SEC31A: variants seen among roughly 807,000 people sequenced by gnomAD.
SEC31A encodes the protein protein transport protein Sec31A.
In SEC31A, 70 loss-of-function variants were observed where a neutral mutation model predicts 151.0. The ratio of observed to expected loss-of-function variants is 0.46; its 90% CI spans 0.38 to 0.57. The LOEUF is 0.57. SEC31A is among the 20% of genes least tolerant of loss of function. The pLI is 0.00. For missense variants in SEC31A, 1,330 were observed against 1,471.2 expected (o/e 0.90, Z 1.57); for synonymous variants, 475 against 505.9 (o/e 0.94, Z 0.82).
chr4:82,893,908 T>G (rs984514375), upstream of SEC31A: 1 of 152,142 alleles, frequency 6.6e-6, no homozygotes, highest in Non-Finnish European at 1.5e-5. Flanking sequence ...TTGAGAAAAA[T>G]GTACTGCCCT....
At chr4:82,886,619 C>T (rs1211862279) in intron 1 of SEC31A, among the ~76,000 whole-genome samples, 3 of 152,174 alleles carry the variant, frequency 2.0e-5, no homozygotes, top group African/African-American at 7.2e-5. Context: ...TGAATCTCCT[C>T]TTCTTCCTCT....
intron 14 of SEC31A, 76 bp downstream of exon 14, chr4:82,861,555 A>G: frequency 1.1e-6 from 1 of 941,084 alleles, no homozygotes; most frequent in Non-Finnish European, 1.6e-6. Context: ...GTAGTCAAGA[A>G]AATTTTCCTT....
intron 14 of SEC31A, among the ~76,000 whole-genome samples, chr4:82,860,267 G>A (rs1348818897): frequency 6.6e-6 from 1 of 152,070 alleles, no homozygotes; most frequent in South Asian, 2.1e-4. Context: ...CAAAGGGGAA[G>A]ATTTTACCTC....
In SEC31A at chr4:82,867,298, T is replaced by C; in HGVS notation, c.901A>G (p.Thr301Ala). ...ATATCGAAGCACCACTGTGTGTTGG[T>C]GGGAAGTTCATATAACACCTAGGCC... Reference protein sequence around the residue: ...NTGEVLYELPTNTQWCFDIQW... With the variant: ...NTGEVLYELPANTQWCFDIQW... Residue 301 changes from threonine (T) to alanine (A), a missense_variant, in exon 9 of 27, where the codon ACC (threonine) becomes GCC (alanine). Coordinates refer to ENST00000395310, the MANE Select transcript of SEC31A (RefSeq NM_001077207.4). 5 of 1,614,098 alleles carry C rather than the reference T, an allele frequency of 3.1e-6. No individual in the cohort carries two copies. In the South Asian group the frequency reaches 4.4e-5, roughly 14 times the overall value.
At chr4:82,899,403 T>G (rs1046674842) in intron 3 of SEC31A, 5 of 152,254 alleles carry the variant, frequency 3.3e-5, no homozygotes, top group Non-Finnish European at 7.3e-5. Flanking sequence ...ACTAATTTTT[T>G]CCTTAAAGAT....
chr4:82,824,711 C>T, intron 24 of SEC31A, 37 bp from the exon 25 acceptor site: 1 of 1,603,490 alleles, frequency 6.2e-7, no homozygotes, highest in Non-Finnish European at 8.5e-7. Context: ...CAGAAATGAC[C>T]AGAAGCTACC....
rs543639686 is a variant in SEC31A at position 82,848,924 on chromosome 4, T to C, written c.2382A>G (p.Val794=). The C allele has an allele frequency of 2.5e-6, 4 of 1,614,208 alleles. No individual in the cohort carries two copies. The East Asian group carries it at 8.9e-5, about 36-fold the overall frequency. ...DRLCRAQGEP[V]AGHESPKIPY... ...GAATTTTAGGTGATTCATGTCCTGC[T>C]ACAGGCTCTCCTTGTGCTCTACAAA... The change falls in exon 20 of 27, where the codon GTA becomes GTG. Residue 794 remains valine (V), a synonymous_variant. Transcript: ENST00000395310.
chr4:82,824,916 GTTGA>G (rs1261279146), intron 24 of SEC31A, among the ~76,000 whole-genome samples: 4 of 152,210 alleles, frequency 2.6e-5, no homozygotes, highest in African/African-American at 9.6e-5. Context: ...ATACAAAGTA[GTTGA>G]TTAATTTAGG....
chr4:82,887,689 T>C (rs771019064), intron 1 of SEC31A, among the ~76,000 whole-genome samples: 41 of 152,248 alleles, frequency 2.7e-4, no homozygotes, highest in Non-Finnish European at 4.6e-4. Context: ...GCCTGGCATA[T>C]ATAAACAAAT....
intron 14 of SEC31A, among the ~76,000 whole-genome samples, chr4:82,858,685 A>ATTAT (rs577988238): frequency 1.1e-4 from 17 of 149,678 alleles, no homozygotes; most frequent in East Asian, 5.9e-4. Flanking sequence ...TGGAAAATAT[A>ATTAT]TTATTTATTT....
chr4:82,856,842 C>T, intron 16 of SEC31A, 110 bp downstream of exon 16: 1 of 902,462 alleles, frequency 1.1e-6, no homozygotes, highest in Non-Finnish European at 1.6e-6. Context: ...TATGAATGAG[C>T]TTTTAAAATT....
chr4:82,877,483 A>G (rs1738247651), intron 4 of SEC31A: 1 of 151,774 alleles, frequency 6.6e-6, no homozygotes, highest in Non-Finnish European at 1.5e-5. Context: ...GGCTAAAGCC[A>G]TCAACCTACC....
chr4:82,826,235 T>A (rs940949937), intron 24 of SEC31A, among the ~76,000 whole-genome samples: 4 of 152,174 alleles, frequency 2.6e-5, no homozygotes, highest in African/African-American at 4.8e-5. Flanking sequence ...TATTTTTTTT[T>A]AAATACAACT....
chr4:82,838,197 A>T (rs980811403), intron 22 of SEC31A, among the ~76,000 whole-genome samples: 5 of 152,178 alleles, frequency 3.3e-5, no homozygotes, highest in African/African-American at 4.8e-5. Context: ...GTTCATGAAA[A>T]TTTTTTTAAA....
At chr4:82,850,844 A>G (rs1731303286) in intron 19 of SEC31A, among the ~76,000 whole-genome samples, 1 of 152,178 alleles carries the variant, frequency 6.6e-6, no homozygotes, top group African/African-American at 2.4e-5. Context: ...AATCTTATTC[A>G]CCATTCTATA....
intron 22 of SEC31A, among the ~76,000 whole-genome samples, chr4:82,839,078 G>A (rs1728129028): frequency 6.6e-6 from 1 of 152,116 alleles, no homozygotes; most frequent in Non-Finnish European, 1.5e-5. Context: ...CGGAGTTCAA[G>A]CGATTCTCCT....
intron 7 of SEC31A, chr4:82,871,469 C>A: frequency 7.9e-7 from 1 of 1,261,366 alleles, no homozygotes; most frequent in Non-Finnish European, 1.1e-6. Flanking sequence ...TTACCATAGA[C>A]TAACTGATAA....
chr4:82,871,311 T>A lies in SEC31A; in HGVS notation c.782+633A>T. The A allele has an allele frequency of 6.0e-6, 8 of 1,323,806 alleles. No individual in the cohort carries two copies. In the South Asian group the frequency reaches 1.1e-4, roughly 17 times the overall value. 82.0% of individuals were successfully genotyped at this position (1,323,806 alleles called of 1,614,324 possible). The stretch of plus-strand genomic sequence containing the variant: ...AAATTATATTGGGATTATACATGCA[T>A]ACACACACACACACACACACACACA... On this transcript the variant is annotated intron_variant, in intron 7 of 26. Coordinates refer to ENST00000395310, the MANE Select transcript of SEC31A (RefSeq NM_001077207.4).
chr4:82,838,578 C>T (rs1455663222), intron 22 of SEC31A, among the ~76,000 whole-genome samples: 1 of 152,204 alleles, frequency 6.6e-6, no homozygotes, highest in Non-Finnish European at 1.5e-5. Flanking sequence ...CACCACTCAG[C>T]AGTTCAAAAT....
Sources: gnomAD v4.1 joint callset for allele counts (sites outside exome capture counted in the v4.1 genomes callset) on GRCh38, gnomAD v4.1.1 for gene constraint, MANE v1.5 for transcripts, NCBI Gene and HGNC (gene_info 2026-07-23, HGNC 2026-07-21) for gene names.